Variants in SANBR observed in about 807,000 individuals in gnomAD.
SANBR encodes SANT and BTB domain regulator of CSR.
A neutral mutation model predicts 101.8 loss-of-function variants in SANBR; 77 were observed. That is an observed-to-expected ratio of 0.76 (90% CI 0.63 to 0.91). SANBR has a LOEUF of 0.91. SANBR is among the 40% of genes least tolerant of loss of function. The pLI, the probability that SANBR is intolerant of heterozygous loss-of-function variation, is 0.00. For missense variants in SANBR, 875 were observed against 853.0 expected (o/e 1.03, Z -0.32); for synonymous variants, 279 against 274.7 (o/e 1.02, Z -0.15).
At position 61,120,653 on chromosome 2, in the gene SANBR, A is replaced by G. The variant is rs151323612; in HGVS notation, c.2029-532A>G. Among the ~76,000 whole-genome samples, 625 of 152,298 alleles carry G rather than the reference A, an allele frequency of 4.1e-3. 2 individuals carry two copies. Among genetic ancestry groups the G allele is most frequent in the Admixed American group, 9.1e-3 (139 of 15,288 alleles). On this transcript the variant is annotated intron_variant, in intron 20 of 21. Coordinates refer to ENST00000402291, the MANE Select transcript of SANBR (RefSeq NM_001129993.3). ...GGCTGAGGTAGGAGGATCACCCAGG[A>G]GGTCAGGGCTGCAGTAAGCCTTGAT...
chr2:61,101,398 A>G (rs556440557), intron 12 of SANBR, among the ~76,000 whole-genome samples: 3 of 152,200 alleles, frequency 2.0e-5, no homozygotes, highest in Admixed American at 1.3e-4. Flanking sequence ...TCATATTTCT[A>G]CATTGTTTCG....
intron 20 of SANBR, among the ~76,000 whole-genome samples, chr2:61,132,512 A>C (rs1684718822): frequency 6.6e-6 from 1 of 152,240 alleles, no homozygotes; most frequent in Non-Finnish European, 1.5e-5. Flanking sequence ...AAAAAGCTAC[A>C]TAACAACAAA....
At chr2:61,132,132 C>T (rs1351903963) in intron 20 of SANBR, among the ~76,000 whole-genome samples, 1 of 151,824 alleles carries the variant, frequency 6.6e-6, no homozygotes, top group African/African-American at 2.4e-5. Context: ...TTAGATAAGA[C>T]AATAAAAGCA....
rs544281171 is a variant in SANBR, at chr2:61,073,156, T to G, written c.338-302T>G. Reference sequence around the variant, plus strand: ...GCGGCAGAGTATTGATGTAAAAATTTGCTTCAGAAAGAGAAAACTATGCTG... The same window carrying G: ...GCGGCAGAGTATTGATGTAAAAATTGGCTTCAGAAAGAGAAAACTATGCTG... On this transcript the variant is annotated intron_variant, in intron 4 of 21. Transcript: ENST00000402291. Among the ~76,000 whole-genome samples, 14 of 152,316 alleles carry G rather than the reference T, an allele frequency of 9.2e-5. No individual in the cohort carries two copies. The South Asian group carries it at 2.9e-3, about 32-fold the overall frequency.
At chr2:61,078,422 C>CTT (rs1681906839) in intron 6 of SANBR, among the ~76,000 whole-genome samples, 1 of 151,750 alleles carries the variant, frequency 6.6e-6, no homozygotes, top group African/African-American at 2.4e-5. Context: ...CAGTGCTACT[C>CTT]TTTACTCTTT....
chr2:61,126,936 C>T (rs1392753189), downstream of SANBR, among the ~76,000 whole-genome samples: 1 of 152,082 alleles, frequency 6.6e-6, no homozygotes, highest in Admixed American at 6.5e-5. Context: ...GTCTAGAAGG[C>T]TGTTATAATT....
chr2:61,074,960 TTTAA>T (rs1270472170), intron 5 of SANBR: 2 of 150,106 alleles, frequency 1.3e-5, no homozygotes, highest in Non-Finnish European at 2.9e-5. Context: ...CCCAATTTTA[TTTAA>T]TTCTTTTTTT....
intron 20 of SANBR, among the ~76,000 whole-genome samples, chr2:61,131,106 T>C (rs1434798365): frequency 6.6e-6 from 1 of 152,032 alleles, no homozygotes; most frequent in Non-Finnish European, 1.5e-5. Flanking sequence ...TTACACTTAA[T>C]GGTGAAGAAC....
At chr2:61,076,639 A>AG in intron 5 of SANBR, among the ~76,000 whole-genome samples, 1 of 151,796 alleles carries the variant, frequency 6.6e-6, no homozygotes, top group East Asian at 1.9e-4. Flanking sequence ...AAAAAAAAAA[A>AG]AAAGAAAGAA....
At chr2:61,132,257 A>T (rs1684711223) in intron 20 of SANBR, among the ~76,000 whole-genome samples, 3 of 152,246 alleles carry the variant, frequency 2.0e-5, no homozygotes, top group Admixed American at 1.3e-4. Flanking sequence ...AATGTTTACA[A>T]AGTATGTATC....
rs1258050246 is a variant in SANBR at position 61,077,156 on chromosome 2, T to C, written c.668T>C (p.Leu223Ser). The part of the protein sequence containing the change: ...KENKDCEMPT[L>S]EPGNVISILI... ...AATAAAGATTGTGAGATGCCCACTTTAGGTAAAAAACAATCTGTTGCTTAA... is the reference window on the plus strand; with the variant it reads ...AATAAAGATTGTGAGATGCCCACTTCAGGTAAAAAACAATCTGTTGCTTAA... The change falls in exon 6 of 22, where the codon TTA (leucine) becomes TCA (serine). Residue 223 changes from leucine to serine, a missense_variant and splice_region_variant. Coordinates refer to ENST00000402291, the MANE Select transcript of SANBR (RefSeq NM_001129993.3). The C allele has an allele frequency of 1.9e-6, 3 of 1,584,412 alleles. No homozygotes were observed. The highest frequency in any genetic ancestry group is 1.1e-5 in the South Asian group (1 of 89,560).
chr2:61,108,103 T>G (rs1683659974), intron 14 of SANBR, among the ~76,000 whole-genome samples: 1 of 152,196 alleles, frequency 6.6e-6, no homozygotes, highest in African/African-American at 2.4e-5. Context: ...ACTGGGAAAG[T>G]GTCTTTCTTT....
chr2:61,073,361 T>TAGCC, intron 4 of SANBR, 97 bp from the exon 5 acceptor site: 4 of 497,218 alleles, frequency 8.0e-6, no homozygotes, highest in Non-Finnish European at 1.1e-5. Context: ...AACCATGCAT[T>TAGCC]TACAGTATTA....
At chr2:61,129,267 A>C (rs1356958618), downstream of SANBR, among the ~76,000 whole-genome samples, 3 of 152,016 alleles carry the variant, frequency 2.0e-5, no homozygotes. Flanking sequence ...AACGTGGTGA[A>C]ACCCCATCTC....
At chr2:61,127,016 C>T (rs1684533880), downstream of SANBR, among the ~76,000 whole-genome samples, 1 of 152,098 alleles carries the variant, frequency 6.6e-6, no homozygotes, top group African/African-American at 2.4e-5. Context: ...AATATTCATC[C>T]AAGTCACTCT....
chr2:61,115,359 G>A (rs1402386237), intron 16 of SANBR, among the ~76,000 whole-genome samples: 2 of 143,300 alleles, frequency 1.4e-5, no homozygotes, highest in Non-Finnish European at 3.0e-5. Context: ...TTTTTTTTGA[G>A]ACAGAGTCTC....
At chr2:61,081,103 T>C (rs1027783877) in intron 6 of SANBR, among the ~76,000 whole-genome samples, 4 of 152,216 alleles carry the variant, frequency 2.6e-5, no homozygotes, top group Non-Finnish European at 4.4e-5. Flanking sequence ...AATGCTCTCA[T>C]TAATCATTTA....
chr2:61,108,664 T>C (rs2104942838), intron 15 of SANBR, among the ~76,000 whole-genome samples: 1 of 142,510 alleles, frequency 7.0e-6, no homozygotes, highest in East Asian at 2.1e-4. Flanking sequence ...GAGTGAAGGG[T>C]TGGCTTTTTT....
At chr2:61,119,997 T>C in intron 20 of SANBR, among the ~76,000 whole-genome samples, 1 of 151,968 alleles carries the variant, frequency 6.6e-6, no homozygotes, top group East Asian at 1.9e-4. Flanking sequence ...CTGATGAGGA[T>C]GTGGAGCAAC....
Sources: gnomAD v4.1 joint callset for allele counts (sites outside exome capture counted in the v4.1 genomes callset) on GRCh38, gnomAD v4.1.1 for gene constraint, MANE v1.5 for transcripts, NCBI Gene and HGNC (gene_info 2026-07-23, HGNC 2026-07-21) for gene names.